Variants in BAZ2B observed in about 807,000 individuals in gnomAD.
BAZ2B encodes the protein bromodomain adjacent to zinc finger domain 2B.
Under a neutral mutation model 246.0 loss-of-function variants are expected in BAZ2B, and 91 were observed. The observed-to-expected ratio is 0.37, with a 90% CI of 0.31 to 0.44. The LOEUF (loss-of-function observed/expected upper bound fraction) is 0.44. Among genes scored for constraint, BAZ2B ranks in the 20% least tolerant of loss-of-function variants. BAZ2B has a pLI of 1.00. For synonymous variants in BAZ2B, 855 were observed against 860.0 expected (o/e 0.99, Z 0.10); for missense variants, 2,332 against 2,533.7 (o/e 0.92, Z 1.71).
chr2:159,677,056 AGTCCT>A, the BAZ2B span, among the ~76,000 whole-genome samples: 4 of 148,328 alleles, frequency 2.7e-5, no homozygotes, highest in Admixed American at 1.3e-4. Context: ...ATTGGATAGA[AGTCCT>A]GTATTGTGCT....
chr2:159,666,995 A>C, the BAZ2B span, among the ~76,000 whole-genome samples: 2 of 152,078 alleles, frequency 1.3e-5, no homozygotes, highest in East Asian at 3.9e-4. Flanking sequence ...CTTAAAACCT[A>C]GATGATGGGT....
At chr2:159,364,594 T>A (rs1189974532) in intron 27 of BAZ2B, among the ~76,000 whole-genome samples, 2 of 152,176 alleles carry the variant, frequency 1.3e-5, no homozygotes, top group African/African-American at 4.8e-5. Flanking sequence ...GGTCTTGAAC[T>A]CCTGGGCTCA....
chr2:159,335,279 G>A (rs1040558947), intron 33 of BAZ2B, among the ~76,000 whole-genome samples: 1 of 152,114 alleles, frequency 6.6e-6, no homozygotes, highest in Non-Finnish European at 1.5e-5. Context: ...AGGTGCGGTG[G>A]CTCATGCTTG....
chr2:159,472,785 G>A (rs529125763), intron 3 of BAZ2B, among the ~76,000 whole-genome samples: 9 of 152,274 alleles, frequency 5.9e-5, no homozygotes, highest in South Asian at 4.1e-4. Context: ...GATGGATTAC[G>A]TTTATTGATT....
chr2:159,484,008 T>G (rs935725485), intron 2 of BAZ2B, among the ~76,000 whole-genome samples: 2 of 152,160 alleles, frequency 1.3e-5, no homozygotes, highest in Admixed American at 6.5e-5. Context: ...GATTTTGGTT[T>G]TCTGACACAC....
At chr2:159,545,647 T>C (rs998678379) in intron 2 of BAZ2B, among the ~76,000 whole-genome samples, 3 of 152,158 alleles carry the variant, frequency 2.0e-5, no homozygotes, top group Non-Finnish European at 4.4e-5. Context: ...GGGTCACTAC[T>C]AGGAAAAAGT....
At chr2:159,468,925 C>A (rs2077421614) in intron 3 of BAZ2B, among the ~76,000 whole-genome samples, 1 of 151,528 alleles carries the variant, frequency 6.6e-6, no homozygotes, top group Non-Finnish European at 1.5e-5. Context: ...GTGGTGGGTG[C>A]CTGTAATCAC....
At chr2:159,423,514 C>T (rs2069177536) in intron 13 of BAZ2B, among the ~76,000 whole-genome samples, 1 of 152,172 alleles carries the variant, frequency 6.6e-6, no homozygotes, top group Non-Finnish European at 1.5e-5. Flanking sequence ...AATCCCACTA[C>T]TGGGTATATA....
chr2:159,398,957 C>A, intron 17 of BAZ2B, 63 bp from the exon 18 acceptor site: 1 of 1,479,704 alleles, frequency 6.8e-7, no homozygotes, highest in Non-Finnish European at 9.3e-7. Context: ...CAAATAATGT[C>A]AGACTTGAAA....
intron 19 of BAZ2B, chr2:159,396,999 T>C (rs2064122175): frequency 5.1e-6 from 6 of 1,174,260 alleles, no homozygotes; most frequent in Admixed American, 2.4e-5. Context: ...CTACACTTTA[T>C]GCATTGCTAT....
At position 159,412,530 on chromosome 2, in the gene BAZ2B, G is replaced by T. The variant is rs934480347; in HGVS notation, c.2482C>A (p.Leu828Ile). ...RDGPQGMQWC[L>I]LKEEDVIPRI... ...GGAATGACATCCTCTTCTTTCAAAA[G>T]ACACCACTGCATTCCCTTTTAATTA... The change falls in exon 14 of 37, where the codon CTT (leucine) becomes ATT (isoleucine). Residue 828 changes from leucine to isoleucine, a missense_variant. Physicochemically the swap from Leu to Ile is conservative, Grantham distance 5 (BLOSUM62 2). Coordinates refer to ENST00000392783, the MANE Select transcript of BAZ2B (RefSeq NM_013450.4). 2 of 1,613,610 alleles carry T rather than the reference G, an allele frequency of 1.2e-6. No individual in the cohort carries two copies. The highest frequency in any genetic ancestry group is 8.5e-7 in the Non-Finnish European group (1 of 1,179,828).
the BAZ2B span, among the ~76,000 whole-genome samples, chr2:159,659,166 T>C: frequency 2.0e-5 from 3 of 152,216 alleles, no homozygotes; most frequent in Non-Finnish European, 2.9e-5. Flanking sequence ...CGTTTCTTTA[T>C]TCCTACTATT....
intron 27 of BAZ2B, among the ~76,000 whole-genome samples, chr2:159,351,732 CTT>C (rs1171487920): frequency 6.6e-6 from 1 of 152,090 alleles, no homozygotes; most frequent in African/African-American, 2.4e-5. Context: ...TGGTATTTCT[CTT>C]TTGTAAATTT....
At chr2:159,675,507 T>TTA in the BAZ2B span, among the ~76,000 whole-genome samples, 6 of 152,128 alleles carry the variant, frequency 3.9e-5, no homozygotes, top group Non-Finnish European at 7.4e-5. Flanking sequence ...ACCTCTCCAG[T>TTA]TATAGAATTG....
At chr2:159,445,300 G>T (rs1000464510) in intron 6 of BAZ2B, among the ~76,000 whole-genome samples, 1 of 152,120 alleles carries the variant, frequency 6.6e-6, no homozygotes, top group Non-Finnish European at 1.5e-5. Flanking sequence ...AATAACAGAA[G>T]ATTAACTACT....
At chr2:159,379,289 A>G (rs2149474511) in intron 25 of BAZ2B, among the ~76,000 whole-genome samples, 1 of 152,256 alleles carries the variant, frequency 6.6e-6, no homozygotes, top group South Asian at 2.1e-4. Flanking sequence ...AAACAGTCAA[A>G]CTCATAGAAC....
intron 6 of BAZ2B, among the ~76,000 whole-genome samples, chr2:159,440,012 T>A (rs556651838): frequency 2.6e-5 from 4 of 152,034 alleles, no homozygotes; most frequent in Non-Finnish European, 5.9e-5. Context: ...ATAATAGTAG[T>A]GGACAAAAAG....
intron 6 of BAZ2B, chr2:159,444,228 G>T (rs1209647851): frequency 2.0e-5 from 3 of 152,082 alleles, no homozygotes; most frequent in Non-Finnish European, 4.4e-5. Flanking sequence ...ACAACAGGTG[G>T]AGAGTATGAC....
intron 25 of BAZ2B, among the ~76,000 whole-genome samples, chr2:159,380,011 C>CAT (rs765635312): frequency 1.7e-4 from 26 of 150,750 alleles, no homozygotes; most frequent in Non-Finnish European, 3.1e-4. Context: ...CATATACATA[C>CAT]ACACACACAC....
Sources: allele counts gnomAD v4.1 joint callset (sites outside exome capture counted in the v4.1 genomes callset), GRCh38; gene constraint gnomAD v4.1.1; transcripts MANE v1.5; gene names NCBI Gene and HGNC (gene_info 2026-07-23, HGNC 2026-07-21).